The following ZNF451 variants were observed in gnomAD, a reference collection of about 807,000 sequenced individuals.
The protein encoded by ZNF451 is zinc finger protein 451, also known as E3 SUMO-protein ligase ZNF451.
A neutral mutation model predicts 107.1 loss-of-function variants in ZNF451; 80 were observed. The ratio of observed to expected loss-of-function variants is 0.75; its 90% CI spans 0.62 to 0.90. The LOEUF is 0.90. Among genes scored for constraint, ZNF451 ranks in the 40% least tolerant of loss-of-function variants. The pLI is 0.00. For synonymous variants in ZNF451, 362 were observed against 406.5 expected (o/e 0.89, Z 1.32); for missense variants, 1,107 against 1,236.2 (o/e 0.90, Z 1.57).
chr6:57,134,967 G>T, intron 7 of ZNF451, 97 bp downstream of exon 7: 1 of 971,198 alleles, frequency 1.0e-6, no homozygotes, highest in Non-Finnish European at 1.5e-6. Context: ...GCAATTACCA[G>T]TGATACACAT....
chr6:57,148,614 A>C lies in ZNF451; in HGVS notation c.2529A>C (p.Lys843Asn). The stretch of plus-strand genomic sequence containing the variant: ...CTAGTGCCTCACATACAGAGAGAAA[A>C]CTGAAACAGGCAATAAACTATTCAA... ...FTASASHTER[K>N]LKQAINYSKS... Residue 843 changes from lysine to asparagine, a missense_variant, in exon 10 of 15, where the codon AAA becomes AAC. Coordinates refer to ENST00000370706, the MANE Select transcript of ZNF451 (RefSeq NM_001031623.3). 6.2e-7 allele frequency: 1 copy of C among 1,614,094 alleles called. No individual in the cohort carries two copies. The highest frequency in any genetic ancestry group is 8.5e-7 in the Non-Finnish European group (1 of 1,179,954).
At chr6:57,151,189 G>A (rs1229462268) in intron 11 of ZNF451, 4 of 173,206 alleles carry the variant, frequency 2.3e-5, no homozygotes, top group South Asian at 1.6e-4. Flanking sequence ...GTGAAACCCC[G>A]TCTCTACTAA....
chr6:57,137,623 T>G (rs974845789), intron 7 of ZNF451, among the ~76,000 whole-genome samples: 3 of 152,194 alleles, frequency 2.0e-5, no homozygotes, highest in Non-Finnish European at 4.4e-5. Context: ...TTCTCCCTGT[T>G]GTGTGATAGT....
At chr6:57,127,863 G>T (rs1301105861) in intron 4 of ZNF451, among the ~76,000 whole-genome samples, 1 of 152,096 alleles carries the variant, frequency 6.6e-6, no homozygotes, top group African/African-American at 2.4e-5. Context: ...AAAGATTTAG[G>T]CTTTTAGCAA....
intron 7 of ZNF451, among the ~76,000 whole-genome samples, chr6:57,139,634 A>G (rs573307911): frequency 6.6e-6 from 1 of 152,332 alleles, no homozygotes; most frequent in South Asian, 2.1e-4. Flanking sequence ...ATATACATAC[A>G]CTTATAAATA....
rs1832390087 is a variant in ZNF451 at position 57,152,342 on chromosome 6, A to G, written c.2874A>G (p.Ile958Met). ...GAAAAGATGCTGCTGATTTTGCCAT[A>G]TGTATGCATGTGAGTCATTGTTTTA... ...SKRKDAADFA[I>M]CMHAGRLDEQ... is the part of the protein sequence containing the mutation. The change falls in exon 12 of 15, where the codon ATA (isoleucine) becomes ATG (methionine). Residue 958 changes from isoleucine to methionine, a missense_variant. Physicochemically the swap from Ile to Met is conservative, Grantham distance 10. Coordinates refer to ENST00000370706, the MANE Select transcript of ZNF451 (RefSeq NM_001031623.3). 3.1e-6 allele frequency: 5 copies of G among 1,613,530 alleles called. No homozygotes were observed. Among genetic ancestry groups the G allele is most frequent in the Non-Finnish European group, 4.2e-6 (5 of 1,179,908 alleles).
intron 3 of ZNF451, chr6:57,106,713 G>C (rs1235076995): frequency 1.0e-6 from 1 of 983,834 alleles, no homozygotes; most frequent in Non-Finnish European, 1.2e-6. Flanking sequence ...TTTAATGTTA[G>C]TGGCTAGTCC....
At chr6:57,138,704 CATATATATATATATATATATATATAT>C (rs60629541) in intron 7 of ZNF451, among the ~76,000 whole-genome samples, 2 of 43,756 alleles carry the variant, frequency 4.6e-5, no homozygotes, top group Non-Finnish European at 7.5e-5. Context: ...GCAGCTATGC[CATATATATATATATATATATATATAT>C]ATATATATAT....
intron 11 of ZNF451, among the ~76,000 whole-genome samples, chr6:57,151,531 G>A (rs1189597755): frequency 6.6e-6 from 1 of 152,068 alleles, no homozygotes; most frequent in Non-Finnish European, 1.5e-5. Context: ...AGAAGCAGAT[G>A]TTTTGTTTTT....
intron 2 of ZNF451, among the ~76,000 whole-genome samples, chr6:57,096,538 A>G (rs1486705163): frequency 4.9e-5 from 6 of 123,570 alleles, no homozygotes; most frequent in Admixed American, 4.5e-4. Context: ...GCATCCTGTC[A>G]TCTTTCATCT....
chr6:57,168,692 A>G lies in ZNF451; in HGVS notation c.*223A>G, dbSNP rs1437059884. On this transcript the variant is annotated 3_prime_UTR_variant, in exon 15 of 15. Transcript: ENST00000370706. ...ATACATGTTCATGCAAATATAAATT[A>G]TGTATTCTAATATAGGTGTAACAGT... is the stretch of plus-strand genomic sequence containing the variant. 1.4e-5 allele frequency: 7 copies of G among 483,040 alleles called. No individual in the cohort carries two copies. The East Asian group carries it at 2.7e-4, about 19-fold the overall frequency. 29.9% of individuals were successfully genotyped at this position (483,040 alleles called of 1,614,324 possible). A position where few individuals can be genotyped will look rare whatever the true frequency, so the allele number is the denominator to read the frequency against.
intron 5 of ZNF451, among the ~76,000 whole-genome samples, chr6:57,131,782 G>T (rs1025095572): frequency 7.9e-5 from 12 of 152,140 alleles, no homozygotes; most frequent in Non-Finnish European, 1.6e-4. Flanking sequence ...GCTTTTTGTT[G>T]TATGAAATAT....
chr6:57,122,091 A>G (rs764902859), intron 3 of ZNF451, among the ~76,000 whole-genome samples: 7 of 152,142 alleles, frequency 4.6e-5, no homozygotes, highest in Admixed American at 4.6e-4. Flanking sequence ...CAACCAACTC[A>G]CCAACTCATG....
chr6:57,095,221 C>G (rs1829232626), intron 2 of ZNF451, among the ~76,000 whole-genome samples: 1 of 151,960 alleles, frequency 6.6e-6, no homozygotes, highest in African/African-American at 2.4e-5. Flanking sequence ...AACATGATTC[C>G]CCTTCTCATT....
At chr6:57,100,559 AT>A (rs761573571) in intron 3 of ZNF451, 22 of 1,446,530 alleles carry the variant, frequency 1.5e-5, no homozygotes, top group East Asian at 1.0e-4. Flanking sequence ...TTAAAAGCAT[AT>A]TTTTTTTCTT....
intron 3 of ZNF451, among the ~76,000 whole-genome samples, chr6:57,123,834 T>C (rs1037275586): frequency 3.3e-5 from 5 of 152,218 alleles, no homozygotes; most frequent in African/African-American, 1.2e-4. Context: ...ATTGCTGATA[T>C]ATATGAAATC....
chr6:57,107,522 T>G, intron 3 of ZNF451: 1 of 984,210 alleles, frequency 1.0e-6, no homozygotes, highest in Non-Finnish European at 1.2e-6. Context: ...TTCACACAAG[T>G]TTATTATATA....
At chr6:57,117,063 A>G (rs1390535079) in intron 3 of ZNF451, 2 of 152,242 alleles carry the variant, frequency 1.3e-5, no homozygotes, top group Non-Finnish European at 2.9e-5. Context: ...AGTGTTGTGA[A>G]AGAGAATAAA....
At chr6:57,155,457 G>C (rs970867657) in intron 13 of ZNF451, among the ~76,000 whole-genome samples, 2 of 152,198 alleles carry the variant, frequency 1.3e-5, no homozygotes, top group Admixed American at 6.5e-5. Flanking sequence ...TTGCGCTCCA[G>C]CCTGGGCAAT....
Sources: gnomAD v4.1 joint callset for allele counts (sites outside exome capture counted in the v4.1 genomes callset) on GRCh38, gnomAD v4.1.1 for gene constraint, MANE v1.5 for transcripts, NCBI Gene and HGNC (gene_info 2026-07-23, HGNC 2026-07-21) for gene names.